PGM5: variants seen among roughly 807,000 people sequenced by gnomAD.
The protein encoded by PGM5 is phosphoglucomutase-like protein 5.
In PGM5, 23 loss-of-function variants were observed where a neutral mutation model predicts 59.2. The observed-to-expected ratio is 0.39, with a 90% CI of 0.28 to 0.55. The LOEUF (loss-of-function observed/expected upper bound fraction) is 0.55, where lower values mean the gene tolerates loss of function less well. Among genes scored for constraint, PGM5 ranks in the 20% least tolerant of loss-of-function variants. The pLI is 0.66. For missense variants in PGM5, 574 were observed against 748.3 expected (o/e 0.77, Z 2.72); for synonymous variants, 214 against 286.0 (o/e 0.75, Z 2.54).
intron 6 of PGM5, among the ~76,000 whole-genome samples, chr9:68,415,465 C>T (rs1823008781): frequency 1.4e-5 from 2 of 146,602 alleles, no homozygotes; most frequent in African/African-American, 5.4e-5. Flanking sequence ...CAAAGCACAG[C>T]CTGGAACCTG....
At chr9:68,428,942 A>G (rs1188187549) in intron 6 of PGM5, 11 of 152,228 alleles carry the variant, frequency 7.2e-5, no homozygotes, top group South Asian at 2.1e-4. Context: ...GGATTCAAAC[A>G]TCAACTCTGT....
chr9:68,376,807 T>TTCTTTCTTTCTTTCTTTC (rs1821909485), intron 1 of PGM5, among the ~76,000 whole-genome samples: 1 of 116,874 alleles, frequency 8.6e-6, no homozygotes, highest in Non-Finnish European at 1.8e-5. Context: ...CTTTCTTTCT[T>TTCTTTCTTTCTTTCTTTC]TCTTTCTTTC....
At chr9:68,430,481 A>G (rs1554682935) in intron 6 of PGM5, among the ~76,000 whole-genome samples, 8 of 152,264 alleles carry the variant, frequency 5.3e-5, no homozygotes, top group Non-Finnish European at 8.8e-5. Flanking sequence ...ATTTCAAGTA[A>G]AATTAGAATG....
At chr9:68,465,072 T>C in intron 6 of PGM5, 21 bp from the exon 7 acceptor site, 1 of 1,470,352 alleles carries the variant, frequency 6.8e-7, no homozygotes, top group Non-Finnish European at 9.5e-7. Context: ...GAATTGACTT[T>C]TCTCAAATTT....
intron 10 of PGM5, among the ~76,000 whole-genome samples, chr9:68,524,390 G>A (rs1018327197): frequency 4.6e-5 from 7 of 152,110 alleles, no homozygotes; most frequent in African/African-American, 1.7e-4. Context: ...CATCTTGAAA[G>A]GATGCAAGGC....
intron 1 of PGM5, among the ~76,000 whole-genome samples, chr9:68,371,302 A>G (rs1554677143): frequency 6.6e-6 from 1 of 152,242 alleles, no homozygotes; most frequent in Non-Finnish European, 1.5e-5. Context: ...AATGAAAGTC[A>G]GATATTGCCT....
chr9:68,403,416 A>G (rs1338010641), intron 6 of PGM5, among the ~76,000 whole-genome samples: 1 of 152,190 alleles, frequency 6.6e-6, no homozygotes, highest in Non-Finnish European at 1.5e-5. Flanking sequence ...AATAAATGGA[A>G]TGTTCTCGAA....
intron 7 of PGM5, among the ~76,000 whole-genome samples, chr9:68,466,949 A>T (rs1452589158): frequency 6.6e-6 from 1 of 152,104 alleles, no homozygotes; most frequent in African/African-American, 2.4e-5. Flanking sequence ...AAGAGTTTTT[A>T]CTTTTGCCCG....
intron 6 of PGM5, among the ~76,000 whole-genome samples, chr9:68,412,800 C>T (rs1822956772): frequency 6.6e-6 from 1 of 152,198 alleles, no homozygotes. Context: ...TTCTGGAACA[C>T]AGTATTCCAG....
chr9:68,512,748 G>A (rs1168466744), intron 10 of PGM5, among the ~76,000 whole-genome samples: 1 of 152,120 alleles, frequency 6.6e-6, no homozygotes, highest in Non-Finnish European at 1.5e-5. Flanking sequence ...TGGCAATTAG[G>A]ACCTCAACGT....
chr9:68,449,723 C>T (rs994506234), intron 6 of PGM5, among the ~76,000 whole-genome samples: 1 of 152,148 alleles, frequency 6.6e-6, no homozygotes, highest in Non-Finnish European at 1.5e-5. Context: ...GGATTTGAAC[C>T]CAGGTTTGTC....
intron 6 of PGM5, among the ~76,000 whole-genome samples, chr9:68,422,797 A>G (rs1294045233): frequency 8.5e-5 from 13 of 152,100 alleles, no homozygotes; most frequent in Non-Finnish European, 1.5e-5. Context: ...TTTAGTGGTG[A>G]TTTGTGAGAT....
intron 2 of PGM5, among the ~76,000 whole-genome samples, chr9:68,380,835 A>G (rs1822054534): frequency 6.6e-6 from 1 of 151,970 alleles, no homozygotes; most frequent in African/African-American, 2.4e-5. Context: ...AGGACCTAGA[A>G]GAAATGGATA....
chr9:68,401,487 C>A (rs1265990634), intron 6 of PGM5, among the ~76,000 whole-genome samples: 1 of 152,052 alleles, frequency 6.6e-6, no homozygotes, highest in Non-Finnish European at 1.5e-5. Context: ...CGATGTGGCC[C>A]TTCTTGGTCT....
At chr9:68,473,685 CCTCT>C (rs1305489482) in intron 7 of PGM5, among the ~76,000 whole-genome samples, 1 of 152,116 alleles carries the variant, frequency 6.6e-6, no homozygotes, top group Non-Finnish European at 1.5e-5. Context: ...GAGTGAGTGG[CCTCT>C]CTTATTGTAT....
chr9:68,467,130 C>A (rs1308182986), intron 7 of PGM5, among the ~76,000 whole-genome samples: 2 of 152,138 alleles, frequency 1.3e-5, no homozygotes, highest in Non-Finnish European at 2.9e-5. Flanking sequence ...ACCTGTACCA[C>A]CAAGTTTCCT....
chr9:68,485,661 C>A (rs1194630742), intron 9 of PGM5, among the ~76,000 whole-genome samples: 2 of 152,172 alleles, frequency 1.3e-5, no homozygotes, highest in African/African-American at 4.8e-5. Flanking sequence ...GTATTGATTT[C>A]CCCCAACCTC....
At chr9:68,492,909 AC>A (rs1824419846) in intron 9 of PGM5, among the ~76,000 whole-genome samples, 1 of 152,184 alleles carries the variant, frequency 6.6e-6, no homozygotes, top group South Asian at 2.1e-4. Context: ...CAGTATCTTC[AC>A]CTTGACGCTT....
rs1821973817 is a variant in PGM5, at chr9:68,378,205, C to T, written c.268C>T (p.Arg90Ter). 6 of 1,548,010 alleles carry T rather than the reference C, an allele frequency of 3.9e-6. No homozygotes were observed. Among genetic ancestry groups the T allele is most frequent in the African/African-American group, 1.5e-5 (1 of 68,908 alleles). The stretch of plus-strand genomic sequence containing the variant: ...TTTTTTTTGGATGGTTTAGATTGGA[C>T]GACTGATTATTGGACAGAATGGCAT... ...VQMAAANGIG[R>*]LIIGQNGILS... The change falls in exon 2 of 11, where the codon CGA becomes TGA. Residue 90 changes from arginine to a stop codon, truncating the protein, a stop_gained. Coordinates refer to ENST00000396396, the MANE Select transcript of PGM5 (RefSeq NM_021965.4). LOFTEE classifies it high-confidence loss of function.
Sources: allele counts gnomAD v4.1 joint callset (sites outside exome capture counted in the v4.1 genomes callset), GRCh38; gene constraint gnomAD v4.1.1; transcripts MANE v1.5; gene names NCBI Gene and HGNC (gene_info 2026-07-23, HGNC 2026-07-21).